Variants in GLIS3 observed in about 807,000 individuals in gnomAD.
GLIS3 encodes the protein zinc finger protein GLIS3.
Under a neutral mutation model 78.6 loss-of-function variants are expected in GLIS3, and 53 were observed. The ratio of observed to expected loss-of-function variants is 0.67; its 90% CI spans 0.54 to 0.85. GLIS3 has a LOEUF of 0.85. Among genes scored for constraint, GLIS3 ranks in the 40% least tolerant of loss-of-function variants. The pLI, the probability that GLIS3 is intolerant of heterozygous loss-of-function variation, is 0.00. For synonymous variants in GLIS3, 684 were observed against 509.9 expected, an observed-to-expected ratio of 1.34 and a Z score of -4.60; for missense variants, 1,703 against 1,231.1, an observed-to-expected ratio of 1.38 and a Z score of -5.74.
chr9:4,426,921 T>C, the GLIS3 span, among the ~76,000 whole-genome samples: 1 of 152,232 alleles, frequency 6.6e-6, no homozygotes, highest in East Asian at 1.9e-4. Context: ...TGACTTCAGT[T>C]ACTTATACAC....
intron 4 of GLIS3, among the ~76,000 whole-genome samples, chr9:3,952,110 A>G (rs1021083879): frequency 1.3e-5 from 2 of 151,996 alleles, no homozygotes; most frequent in South Asian, 2.1e-4. Flanking sequence ...AAAAATGCCT[A>G]TTTACAGCTT....
At chr9:4,382,349 G>A in the GLIS3 span, among the ~76,000 whole-genome samples, 1 of 152,192 alleles carries the variant, frequency 6.6e-6, no homozygotes, top group Non-Finnish European at 1.5e-5. Context: ...TGAACAGTAT[G>A]TGTAGGGAAT....
intron 4 of GLIS3, among the ~76,000 whole-genome samples, chr9:3,991,675 G>C (rs1460853325): frequency 1.5e-5 from 2 of 135,090 alleles, no homozygotes; most frequent in Non-Finnish European, 3.0e-5. Context: ...ATTTCATTAA[G>C]TAGGCTGATT....
intron 2 of GLIS3, among the ~76,000 whole-genome samples, chr9:4,331,530 G>C (rs1372802314): frequency 6.6e-6 from 1 of 152,102 alleles, no homozygotes; most frequent in South Asian, 2.1e-4. Flanking sequence ...ACACTGATTG[G>C]TCCGTTGAAG....
chr9:4,223,103 T>A (rs1259891445), intron 2 of GLIS3, among the ~76,000 whole-genome samples: 2 of 152,186 alleles, frequency 1.3e-5, no homozygotes, highest in Non-Finnish European at 2.9e-5. Context: ...AACCTTTTCA[T>A]ATTTATGAAG....
chr9:4,475,786 C>G, the GLIS3 span, among the ~76,000 whole-genome samples: 1 of 152,102 alleles, frequency 6.6e-6, no homozygotes. Flanking sequence ...AAAGAGGCAA[C>G]TGAAGAATAA....
intron 4 of GLIS3, among the ~76,000 whole-genome samples, chr9:4,008,984 G>A (rs1052742150): frequency 1.3e-5 from 2 of 152,162 alleles, no homozygotes; most frequent in Non-Finnish European, 2.9e-5. Context: ...TTGGCTTTCT[G>A]CAGTGCATGA....
At chr9:4,377,954 T>C in the GLIS3 span, among the ~76,000 whole-genome samples, 1 of 152,150 alleles carries the variant, frequency 6.6e-6, no homozygotes, top group Admixed American at 6.6e-5. Flanking sequence ...CAAAAATACA[T>C]GTCTATAAGA....
chr9:4,022,284 C>A (rs1003744229), intron 4 of GLIS3, among the ~76,000 whole-genome samples: 1 of 152,178 alleles, frequency 6.6e-6, no homozygotes, highest in Non-Finnish European at 1.5e-5. Context: ...TCAGGTCCTG[C>A]GCTTGGTTTG....
At chr9:3,845,066 T>C (rs902652445) in intron 9 of GLIS3, among the ~76,000 whole-genome samples, 1 of 120,094 alleles carries the variant, frequency 8.3e-6, no homozygotes, top group Non-Finnish European at 1.9e-5. Flanking sequence ...CAAAGATATA[T>C]ATATATGTGT....
intron 4 of GLIS3, among the ~76,000 whole-genome samples, chr9:4,036,418 T>G (rs1824313786): frequency 6.6e-6 from 1 of 152,182 alleles, no homozygotes; most frequent in Non-Finnish European, 1.5e-5. Context: ...GATGTATAAA[T>G]AAAGAGTGGG....
At chr9:4,236,893 T>C (rs1252910969) in intron 2 of GLIS3, among the ~76,000 whole-genome samples, 2 of 152,310 alleles carry the variant, frequency 1.3e-5, no homozygotes, top group African/African-American at 4.8e-5. Context: ...TCTTACTTTT[T>C]TCCATAACAA....
At chr9:4,309,421 A>G (rs1817306194) in intron 3 of GLIS3, among the ~76,000 whole-genome samples, 1 of 152,196 alleles carries the variant, frequency 6.6e-6, no homozygotes, top group Admixed American at 6.5e-5. Flanking sequence ...CGGGGGGAGC[A>G]CAGTATAAGT....
At chr9:4,311,344 G>C (rs921548361) in intron 2 of GLIS3, among the ~76,000 whole-genome samples, 2 of 152,228 alleles carry the variant, frequency 1.3e-5, no homozygotes, top group African/African-American at 2.4e-5. Flanking sequence ...GAGAGGTGGA[G>C]GTTGCAGTGA....
the GLIS3 span, among the ~76,000 whole-genome samples, chr9:4,366,046 G>A: frequency 1.3e-5 from 2 of 152,164 alleles, no homozygotes; most frequent in African/African-American, 4.8e-5. Context: ...AAAATGCTTC[G>A]GTGGTGAACT....
At chr9:4,177,523 T>C (rs1005544579) in intron 2 of GLIS3, among the ~76,000 whole-genome samples, 3 of 152,186 alleles carry the variant, frequency 2.0e-5, no homozygotes, top group African/African-American at 7.2e-5. Context: ...TCCCTTCTCC[T>C]CATTCACTCA....
At chr9:4,474,929 T>A in the GLIS3 span, among the ~76,000 whole-genome samples, 1 of 151,572 alleles carries the variant, frequency 6.6e-6, no homozygotes, top group Non-Finnish European at 1.5e-5. Context: ...AAATATTTCT[T>A]AAACAGAACT....
At chr9:4,228,494 A>G (rs928537894) in intron 2 of GLIS3, among the ~76,000 whole-genome samples, 2 of 152,240 alleles carry the variant, frequency 1.3e-5, no homozygotes, top group Non-Finnish European at 2.9e-5. Context: ...TACTTTGTAT[A>G]TAAAATCATA....
chr9:4,387,041 T>C, the GLIS3 span, among the ~76,000 whole-genome samples: 7,870 of 152,280 alleles, frequency 0.052, 596 homozygotes, highest in African/African-American at 0.17. Flanking sequence ...TTTTGTTGCA[T>C]GATCATCTGA....
Sources: allele counts gnomAD v4.1 joint callset (sites outside exome capture counted in the v4.1 genomes callset), GRCh38; gene constraint gnomAD v4.1.1; transcripts MANE v1.5; gene names NCBI Gene and HGNC (gene_info 2026-07-23, HGNC 2026-07-21).